The following MNS1 variants were observed in gnomAD, a reference collection of about 807,000 sequenced individuals.
MNS1 encodes meiosis specific nuclear structural 1.
MNS1 carries 63 observed loss-of-function variants against 72.0 expected under a neutral mutation model. The observed-to-expected ratio is 0.87, with a 90% CI of 0.71 to 1.08. The LOEUF is 1.08. Ranked by LOEUF, MNS1 falls within the 50% of genes least tolerant of loss-of-function variation. MNS1 has a pLI of 0.00. For synonymous variants in MNS1, 188 were observed against 172.1 expected, an observed-to-expected ratio of 1.09 and a Z score of -0.72; for missense variants, 604 against 562.4, an observed-to-expected ratio of 1.07 and a Z score of -0.75.
chr15:56,452,694 A>AT (rs1441502137), intron 3 of MNS1, among the ~76,000 whole-genome samples: 7 of 151,366 alleles, frequency 4.6e-5, no homozygotes, highest in Non-Finnish European at 7.4e-5. Flanking sequence ...AATTTTTTGT[A>AT]TTTTTAGTAG....
In MNS1 at chr15:56,446,922, C is replaced by T. The variant is rs371046755; in HGVS notation, c.375G>A (p.Glu125=). ...RENSIELREL[E]KKLKAAYMNK... is the part of the protein sequence containing the mutation. ...TCATGTAAGCTGCTTTTAATTTCTT[C>T]TCCAATTCTCTAAGCTCAATGCTGT... Residue 125 remains glutamate, a synonymous_variant, in exon 4 of 10, where the codon GAG becomes GAA. Coordinates refer to ENST00000260453, the MANE Select transcript of MNS1 (RefSeq NM_018365.4). The T allele has an allele frequency of 1.2e-6, 2 of 1,608,582 alleles. No homozygotes were observed. Among genetic ancestry groups the T allele is most frequent in the Admixed American group, 1.7e-5 (1 of 59,940 alleles).
At chr15:56,431,972 T>G (rs1194550856) in intron 8 of MNS1, among the ~76,000 whole-genome samples, 1 of 152,118 alleles carries the variant, frequency 6.6e-6, no homozygotes, top group Non-Finnish European at 1.5e-5. Context: ...TGCTCACTCT[T>G]AAATAATCAC....
chr15:56,462,321 A>T (rs2051028773), intron 2 of MNS1, among the ~76,000 whole-genome samples: 1 of 152,174 alleles, frequency 6.6e-6, no homozygotes, highest in Non-Finnish European at 1.5e-5. Context: ...CAGTGGAGAA[A>T]CCAGACTGTC....
chr15:56,463,067 T>A (rs1272311512), intron 2 of MNS1, among the ~76,000 whole-genome samples: 3 of 152,196 alleles, frequency 2.0e-5, no homozygotes, highest in African/African-American at 7.2e-5. Context: ...ATGTTTAACA[T>A]ACAGCAGCTA....
chr15:56,448,649 G>C (rs1163528265), intron 3 of MNS1, among the ~76,000 whole-genome samples: 1 of 151,808 alleles, frequency 6.6e-6, no homozygotes, highest in Non-Finnish European at 1.5e-5. Context: ...TGGGCACCTG[G>C]ATTAATTCCA....
At chr15:56,434,458 G>C in intron 7 of MNS1, 63 bp from the exon 8 acceptor site, 7 of 1,469,434 alleles carry the variant, frequency 4.8e-6, no homozygotes, top group Non-Finnish European at 6.4e-6. Flanking sequence ...TATAAGGAAA[G>C]AGTGATAGAG....
intron 3 of MNS1, among the ~76,000 whole-genome samples, chr15:56,454,607 TA>T (rs1472691163): frequency 1.3e-5 from 2 of 152,178 alleles, no homozygotes; most frequent in South Asian, 4.1e-4. Flanking sequence ...TGTTGGATTT[TA>T]AAAGTTTTAT....
intron 3 of MNS1, among the ~76,000 whole-genome samples, chr15:56,450,216 T>C (rs1433421735): frequency 1.3e-5 from 2 of 152,198 alleles, no homozygotes. Context: ...TGCCACAAGT[T>C]GGTTTCTTTT....
intron 7 of MNS1, 70 bp downstream of exon 7, chr15:56,443,360 C>T: frequency 8.8e-7 from 1 of 1,140,708 alleles, no homozygotes; most frequent in South Asian, 1.7e-5. Flanking sequence ...AATGTACTAT[C>T]TCTTTTCTGC....
intron 7 of MNS1, among the ~76,000 whole-genome samples, chr15:56,436,705 G>A (rs922359241): frequency 1.2e-4 from 18 of 151,994 alleles, no homozygotes; most frequent in African/African-American, 3.1e-4. Context: ...TTGATAGACC[G>A]CTAGCAAGAC....
chr15:56,451,446 A>G (rs1596266145), intron 3 of MNS1, among the ~76,000 whole-genome samples: 3 of 152,140 alleles, frequency 2.0e-5, no homozygotes, highest in African/African-American at 7.2e-5. Context: ...ATGCTACCCA[A>G]ATTTCTTATA....
intron 7 of MNS1, among the ~76,000 whole-genome samples, chr15:56,438,894 T>A (rs1177235614): frequency 6.6e-6 from 1 of 151,982 alleles, no homozygotes; most frequent in Non-Finnish European, 1.5e-5. Context: ...ACAGGAAAGG[T>A]GATGTCTACT....
intron 8 of MNS1, among the ~76,000 whole-genome samples, chr15:56,432,795 T>C (rs1264271833): frequency 1.3e-5 from 2 of 152,216 alleles, no homozygotes; most frequent in Non-Finnish European, 2.9e-5. Context: ...ACAGCACTTG[T>C]ATTCCCATGA....
At chr15:56,444,951 A>G (rs1214120926) in intron 4 of MNS1, among the ~76,000 whole-genome samples, 2 of 152,070 alleles carry the variant, frequency 1.3e-5, no homozygotes, top group Non-Finnish European at 2.9e-5. Flanking sequence ...AATGAATACA[A>G]TTGTAAGTAG....
rs1214427341 is a variant in MNS1 at position 56,442,076 on chromosome 15, A to G, written c.1011+1354T>C. On this transcript the variant is annotated intron_variant, in intron 7 of 9. Transcript: ENST00000260453. The stretch of plus-strand genomic sequence containing the variant: ...TAAAAAGAAAAAATAGGCTAAGTAC[A>G]TGAACAGATACCTCTCAAAAAATGA... 2.0e-5 allele frequency among the ~76,000 whole-genome samples: 3 copies of G among 152,046 alleles called. No individual in the cohort carries two copies. The East Asian group carries it at 5.8e-4, about 29-fold the overall frequency.
intron 2 of MNS1, among the ~76,000 whole-genome samples, chr15:56,461,679 A>AG (rs1346081624): frequency 1.3e-5 from 2 of 151,228 alleles, no homozygotes; most frequent in Admixed American, 1.3e-4. Flanking sequence ...AAAAAAAAAA[A>AG]AAACGACACA....
At chr15:56,447,667 A>G (rs2050917008) in intron 3 of MNS1, 1 of 152,204 alleles carries the variant, frequency 6.6e-6, no homozygotes, top group Non-Finnish European at 1.5e-5. Flanking sequence ...ACTGATCTAC[A>G]ATATTCAATA....
At chr15:56,431,818 C>T (rs1357618585) in intron 8 of MNS1, among the ~76,000 whole-genome samples, 1 of 151,642 alleles carries the variant, frequency 6.6e-6, no homozygotes, top group African/African-American at 2.4e-5. Context: ...GAATGCTTAC[C>T]ATATACCAGA....
At chr15:56,447,026 T>C in intron 3 of MNS1, 83 bp from the exon 4 acceptor site, 2 of 912,776 alleles carry the variant, frequency 2.2e-6, no homozygotes, top group Non-Finnish European at 3.4e-6. Context: ...AACTGTATTT[T>C]TAATTTACTC....
Sources: allele counts gnomAD v4.1 joint callset (sites outside exome capture counted in the v4.1 genomes callset), GRCh38; gene constraint gnomAD v4.1.1; transcripts MANE v1.5; gene names NCBI Gene and HGNC (gene_info 2026-07-23, HGNC 2026-07-21).